The following TMEFF2 variants were observed in gnomAD, a reference collection of about 807,000 sequenced individuals.
TMEFF2 encodes the protein transmembrane protein with EGF like and two follistatin like domains 2, also known as tomoregulin-2.
Under a neutral mutation model 53.8 loss-of-function variants are expected in TMEFF2, and 28 were observed. That is an observed-to-expected ratio of 0.52 (90% CI 0.39 to 0.71). The LOEUF (loss-of-function observed/expected upper bound fraction) is 0.71. Ranked by LOEUF, TMEFF2 falls within the 30% of genes least tolerant of loss-of-function variation. The pLI is 0.00. For missense variants in TMEFF2, 353 were observed against 455.2 expected (o/e 0.78, Z 2.04); for synonymous variants, 162 against 166.3 (o/e 0.97, Z 0.20).
At chr2:191,955,053 C>A (rs1692023677) in intron 8 of TMEFF2, among the ~76,000 whole-genome samples, 1 of 148,786 alleles carries the variant, frequency 6.7e-6, no homozygotes, top group Non-Finnish European at 1.5e-5. Flanking sequence ...CAGTTTTGTT[C>A]ACTCTGCCTT....
In TMEFF2 at chr2:191,999,043, T is replaced by G. The variant is rs1266023954; in HGVS notation, c.685+17A>C. 1.3e-6 allele frequency: 2 copies of G among 1,575,302 alleles called. No individual in the cohort carries two copies. The highest frequency in any genetic ancestry group is 1.7e-6 in the Non-Finnish European group (2 of 1,157,296). On this transcript the variant is annotated intron_variant, in intron 6 of 9. Transcript: ENST00000272771. ...ACTAAAATCATTCTTTGAAATGAAT[T>G]TTGGTATGAACATTACCTTGACATC...
At chr2:192,119,038 T>C (rs1465429736) in intron 4 of TMEFF2, among the ~76,000 whole-genome samples, 3 of 152,294 alleles carry the variant, frequency 2.0e-5, no homozygotes, top group Admixed American at 6.5e-5. Flanking sequence ...GTTTTGAATG[T>C]TTAATCTCTG....
intron 8 of TMEFF2, among the ~76,000 whole-genome samples, chr2:191,955,524 A>ATT (rs71405028): frequency 1.5e-4 from 9 of 60,292 alleles, no homozygotes; most frequent in East Asian, 1.3e-3. Context: ...CTAATTCTTA[A>ATT]TTTTTTTTTT....
rs142545859 is a variant in TMEFF2, at chr2:192,099,926, G to A, written c.440-42151C>T. ...CTGTTTTTATATGTATTACTCAAGTGTATTCCAAAGATCACCCCATATCTT... is the reference window on the plus strand; with the variant it reads ...CTGTTTTTATATGTATTACTCAAGTATATTCCAAAGATCACCCCATATCTT... On this transcript the variant is annotated intron_variant, in intron 4 of 9. Coordinates refer to ENST00000272771, the MANE Select transcript of TMEFF2 (RefSeq NM_016192.4). Among the ~76,000 whole-genome samples the A allele has an allele frequency of 1.0e-3, 158 of 152,088 alleles. 5 individuals carry two copies. In the East Asian group the frequency reaches 0.03, roughly 29 times the overall value.
intron 7 of TMEFF2, among the ~76,000 whole-genome samples, chr2:191,991,797 C>T (rs188804849): frequency 1.3e-5 from 2 of 152,202 alleles, no homozygotes; most frequent in African/African-American, 2.4e-5. Context: ...CAAAGTTTTC[C>T]AGAGTGTCTA....
chr2:191,968,427 C>A (rs968746572), intron 7 of TMEFF2, among the ~76,000 whole-genome samples: 2 of 152,158 alleles, frequency 1.3e-5, no homozygotes, highest in African/African-American at 4.8e-5. Context: ...TGGGTATTGA[C>A]AGCAGAATAG....
chr2:192,190,588 C>G (rs890328677), intron 2 of TMEFF2, among the ~76,000 whole-genome samples: 1 of 152,236 alleles, frequency 6.6e-6, no homozygotes, highest in Middle Eastern at 3.4e-3. Flanking sequence ...GTTTCTGACA[C>G]TATGGTATGG....
intron 5 of TMEFF2, chr2:192,036,393 A>G (rs1047868728): frequency 6.6e-6 from 1 of 152,142 alleles, no homozygotes; most frequent in Admixed American, 6.5e-5. Flanking sequence ...TTTTGTTTCT[A>G]TTTAACTAAT....
In TMEFF2 at chr2:192,012,637, A is replaced by AT. The variant is rs911921284; in HGVS notation, c.537-13430dup. 9.2e-5 allele frequency among the ~76,000 whole-genome samples: 14 copies of AT among 152,204 alleles called. No individual in the cohort carries two copies. In the East Asian group the frequency reaches 1.2e-3, roughly 13 times the overall value. On this transcript the variant is annotated intron_variant, in intron 5 of 9. Coordinates refer to ENST00000272771, the MANE Select transcript of TMEFF2 (RefSeq NM_016192.4). ...GAACTAGTTTGTTCTCTAATTTAGGATTTTTTTTCCTAATCGGCAAAAGTA... is the reference window on the plus strand; with the variant it reads ...GAACTAGTTTGTTCTCTAATTTAGGATTTTTTTTTCCTAATCGGCAAAAGTA...
intron 2 of TMEFF2, among the ~76,000 whole-genome samples, chr2:192,189,413 A>G (rs1691404362): frequency 6.6e-6 from 1 of 151,486 alleles, no homozygotes; most frequent in African/African-American, 2.4e-5. Context: ...AGAATGATGG[A>G]GTGCACCTGT....
At chr2:192,074,064 C>G (rs1451959248) in intron 4 of TMEFF2, among the ~76,000 whole-genome samples, 11 of 151,938 alleles carry the variant, frequency 7.2e-5, no homozygotes, top group Non-Finnish European at 1.5e-5. Context: ...GATCACTCAT[C>G]AAATAAATCA....
intron 3 of TMEFF2, 34 bp from the exon 4 acceptor site, chr2:192,179,728 C>T (rs1271411910): frequency 3.3e-6 from 5 of 1,515,608 alleles, no homozygotes; most frequent in South Asian, 2.8e-5. Context: ...GCTAGTAAAA[C>T]ATATTCAAAA....
chr2:192,184,113 T>C (rs1574443625), intron 3 of TMEFF2, among the ~76,000 whole-genome samples: 2 of 152,142 alleles, frequency 1.3e-5, no homozygotes, highest in African/African-American at 4.8e-5. Flanking sequence ...GTATTTCATT[T>C]AATGACATAC....
At chr2:192,061,733 T>G (rs1688049100) in intron 4 of TMEFF2, among the ~76,000 whole-genome samples, 1 of 152,124 alleles carries the variant, frequency 6.6e-6, no homozygotes, top group Admixed American at 6.6e-5. Context: ...TGGGGGTGGA[T>G]CCCTTATGAA....
chr2:192,129,308 G>A (rs920761008), intron 4 of TMEFF2, among the ~76,000 whole-genome samples: 2 of 151,398 alleles, frequency 1.3e-5, no homozygotes, highest in African/African-American at 4.9e-5. Context: ...TATAACCCAC[G>A]GGTTATTTTA....
chr2:191,997,680 A>G (rs916477912), intron 7 of TMEFF2, among the ~76,000 whole-genome samples: 23 of 151,582 alleles, frequency 1.5e-4, no homozygotes, highest in African/African-American at 5.3e-4. Flanking sequence ...AAAGTGAAAT[A>G]ATTGTTAAAT....
chr2:191,998,825 T>C, intron 6 of TMEFF2, among the ~76,000 whole-genome samples: 1 of 151,946 alleles, frequency 6.6e-6, no homozygotes, highest in East Asian at 1.9e-4. Context: ...GGCTTCTGTG[T>C]TTATGGCATT....
rs559785964 is a variant in TMEFF2, at chr2:192,084,360, T to C, written c.440-26585A>G. On this transcript the variant is annotated intron_variant, in intron 4 of 9. Coordinates refer to ENST00000272771, the MANE Select transcript of TMEFF2 (RefSeq NM_016192.4). ...ATAACTTCCTTGAGAGAGGAAATGA[T>C]ATTTTCCAAATAGTGCCAATTCTGC... is the stretch of plus-strand genomic sequence containing the variant. 2.6e-5 allele frequency among the ~76,000 whole-genome samples: 4 copies of C among 152,312 alleles called. No individual in the cohort carries two copies. The East Asian group carries it at 7.7e-4, about 29-fold the overall frequency.
intron 4 of TMEFF2, among the ~76,000 whole-genome samples, chr2:192,073,292 T>C (rs1229057434): frequency 6.6e-6 from 1 of 151,928 alleles, no homozygotes; most frequent in Non-Finnish European, 1.5e-5. Flanking sequence ...TGAAATCTCC[T>C]TAGTGAAAAC....
Sources: allele counts gnomAD v4.1 joint callset (sites outside exome capture counted in the v4.1 genomes callset), GRCh38; gene constraint gnomAD v4.1.1; transcripts MANE v1.5; gene names NCBI Gene and HGNC (gene_info 2026-07-23, HGNC 2026-07-21).